The following C2orf92 variants were observed in gnomAD, a reference collection of about 807,000 sequenced individuals.
The protein encoded by C2orf92 is uncharacterized protein C2orf92.
intron 4 of C2orf92, among the ~76,000 whole-genome samples, chr2:97,689,285 C>T (rs1012861103): frequency 8.5e-5 from 13 of 152,210 alleles, no homozygotes; most frequent in African/African-American, 3.1e-4. Context: ...ACCTGATCTG[C>T]AAGTGGGGTT....
upstream of C2orf92, among the ~76,000 whole-genome samples, chr2:97,665,529 C>T (rs893601101): frequency 5.3e-5 from 8 of 152,124 alleles, no homozygotes; most frequent in East Asian, 1.5e-3. Flanking sequence ...AGAGGGGGAA[C>T]ACACCCTCTT....
chr2:97,665,609 C>T (rs1348407950), upstream of C2orf92, among the ~76,000 whole-genome samples: 1 of 151,426 alleles, frequency 6.6e-6, no homozygotes, highest in Non-Finnish European at 1.5e-5. Context: ...TGAGGGTGGG[C>T]TGACAGCATA....
upstream of C2orf92, chr2:97,665,731 C>CTATA (rs1675201931): frequency 4.3e-5 from 1 of 23,248 alleles, no homozygotes; most frequent in South Asian, 8.3e-4. Flanking sequence ...CTCTCTCTCT[C>CTATA]TCTCTCTATA....
chr2:97,677,389 T>C lies in C2orf92; in HGVS notation c.232+1461T>C, dbSNP rs1365652228. 5 of 152,254 alleles carry C rather than the reference T, an allele frequency of 3.3e-5. No homozygotes were observed. The East Asian group carries it at 9.6e-4, about 29-fold the overall frequency. The allele number at this position is 152,254 out of a possible 1,614,324, so 9.4% of individuals were successfully genotyped here. A position where few individuals can be genotyped will look rare whatever the true frequency, so the allele number is the denominator to read the frequency against. ...CTGTTGAGGGGATTTAAGGAAATAATGTTTTTTGTTTTTCTCTTTTTGGAG... is the reference window on the plus strand; with the variant it reads ...CTGTTGAGGGGATTTAAGGAAATAACGTTTTTTGTTTTTCTCTTTTTGGAG... On this transcript the variant is annotated intron_variant, in intron 3 of 7. Coordinates refer to ENST00000627399, the MANE Select transcript of C2orf92 (RefSeq NM_001351368.2).
chr2:97,669,221 G>A (rs1275660877), upstream of C2orf92: 1 of 152,096 alleles, frequency 6.6e-6, no homozygotes, highest in Non-Finnish European at 1.5e-5. Context: ...CGTATCAATT[G>A]GTCTATGCTA....
upstream of C2orf92, chr2:97,668,366 G>A (rs1559294537): frequency 6.6e-6 from 1 of 152,164 alleles, no homozygotes; most frequent in East Asian, 1.9e-4. Flanking sequence ...AGGAAATCAA[G>A]TTAAAATGAA....
At chr2:97,696,593 G>C (rs1039086612) in intron 5 of C2orf92, among the ~76,000 whole-genome samples, 1 of 152,088 alleles carries the variant, frequency 6.6e-6, no homozygotes, top group Non-Finnish European at 1.5e-5. Context: ...AATATTAGCT[G>C]GGTGTGCTGG....
At chr2:97,681,328 T>G (rs1675765749) in intron 3 of C2orf92, among the ~76,000 whole-genome samples, 1 of 152,038 alleles carries the variant, frequency 6.6e-6, no homozygotes, top group Non-Finnish European at 1.5e-5. Context: ...AAGACTGAAA[T>G]AATACAAAGT....
At position 97,671,722 on chromosome 2, in the gene C2orf92, G is replaced by A. The variant is rs903456172; in HGVS notation, c.46+1888G>A. 45 of 371,722 alleles carry A rather than the reference G, an allele frequency of 1.2e-4. No individual in the cohort carries two copies. The South Asian group carries it at 2.8e-3, about 23-fold the overall frequency. The allele number at this position is 371,722 out of a possible 1,614,324, so 23.0% of individuals were successfully genotyped here. A position where few individuals can be genotyped will look rare whatever the true frequency, so the allele number is the denominator to read the frequency against. ...ACTGAGCATCAGTGGAGCAGAGCAGGGCCATGTGGGACTGCGGCGTCAGAT... is the reference window on the plus strand; with the variant it reads ...ACTGAGCATCAGTGGAGCAGAGCAGAGCCATGTGGGACTGCGGCGTCAGAT... On this transcript the variant is annotated intron_variant, in intron 1 of 7. Coordinates refer to ENST00000627399, the MANE Select transcript of C2orf92 (RefSeq NM_001351368.2).
upstream of C2orf92, chr2:97,663,947 G>T: frequency 2.1e-6 from 2 of 975,116 alleles, no homozygotes; most frequent in Non-Finnish European, 1.3e-6. Flanking sequence ...CCGGATGGGC[G>T]GGCGGGCGGG....
intron 2 of C2orf92, chr2:97,675,560 C>T (rs1009263594): frequency 1.6e-5 from 5 of 318,948 alleles, no homozygotes; most frequent in Middle Eastern, 8.5e-4. Flanking sequence ...CCTTTCTACC[C>T]GTTTTCCTGT....
chr2:97,693,981 G>C (rs1676222325), intron 5 of C2orf92, among the ~76,000 whole-genome samples: 1 of 152,086 alleles, frequency 6.6e-6, no homozygotes, highest in Admixed American at 6.5e-5. Context: ...CATTCATAAT[G>C]TTGTGCAACC....
intron 2 of C2orf92, 68 bp from the exon 3 acceptor site, chr2:97,675,777 C>T (rs1224637693): frequency 2.5e-6 from 1 of 398,768 alleles, no homozygotes; most frequent in Admixed American, 4.4e-5. Context: ...AGAAGAGTAT[C>T]AATCTGAAGG....
rs997034724 is a variant in C2orf92, at chr2:97,688,916, T to C, written c.254T>C (p.Phe85Ser). 2 of 398,626 alleles carry C rather than the reference T, an allele frequency of 5.0e-6. No homozygotes were observed. Among genetic ancestry groups the C allele is most frequent in the South Asian group, 2.5e-4 (2 of 7,860 alleles). The allele number at this position is 398,626 out of a possible 1,614,324, so 24.7% of individuals were successfully genotyped here. A position where few individuals can be genotyped will look rare whatever the true frequency, so the allele number is the denominator to read the frequency against. Residue 85 changes from phenylalanine (F) to serine (S), a missense_variant, in exon 4 of 8, where the codon TTT (phenylalanine) becomes TCT (serine). Physicochemically the swap from Phe to Ser is radical, Grantham distance 155. Coordinates refer to ENST00000627399, the MANE Select transcript of C2orf92 (RefSeq NM_001351368.2). ...KIFDEILLQV[F>S]PKFPYDPSFN... ...GGAGATGAAATTCTACTGCAGGTGT[T>C]TCCAAAGTTTCCGTATGACCCATCA...
intron 2 of C2orf92, among the ~76,000 whole-genome samples, chr2:97,674,793 G>A (rs1184369528): frequency 6.6e-6 from 1 of 152,168 alleles, no homozygotes; most frequent in Non-Finnish European, 1.5e-5. Context: ...GATCCCTGAC[G>A]TGCAGTGTCA....
intron 4 of C2orf92, among the ~76,000 whole-genome samples, chr2:97,689,463 A>T (rs1423332075): frequency 5.3e-5 from 8 of 152,370 alleles, no homozygotes; most frequent in Admixed American, 5.2e-4. Context: ...GCACACCCAT[A>T]GAAATGACAC....
chr2:97,688,420 TAAAAG>T (rs1486530396), intron 3 of C2orf92, among the ~76,000 whole-genome samples: 1 of 152,096 alleles, frequency 6.6e-6, no homozygotes, highest in Non-Finnish European at 1.5e-5. Flanking sequence ...CCTGAGAACT[TAAAAG>T]GGAAGGAGAA....
At chr2:97,673,343 T>C (rs1161705241) in intron 1 of C2orf92, among the ~76,000 whole-genome samples, 1 of 152,062 alleles carries the variant, frequency 6.6e-6, no homozygotes, top group Non-Finnish European at 1.5e-5. Context: ...GGGCTATGGC[T>C]GGTCTGCAGC....
chr2:97,679,963 CA>C (rs1675711387), intron 3 of C2orf92, among the ~76,000 whole-genome samples: 1 of 151,470 alleles, frequency 6.6e-6, no homozygotes, highest in Admixed American at 6.6e-5. Context: ...ACACAAAACA[CA>C]AACCCCTAAA....
Sources: allele counts gnomAD v4.1 joint callset (sites outside exome capture counted in the v4.1 genomes callset), GRCh38; gene constraint gnomAD v4.1.1; transcripts MANE v1.5; gene names NCBI Gene and HGNC (gene_info 2026-07-23, HGNC 2026-07-21).